ERC1: variants seen among roughly 807,000 people sequenced by gnomAD.
ERC1 encodes the protein ELKS/RAB6-interacting/CAST family member 1.
A neutral mutation model predicts 132.0 loss-of-function variants in ERC1; 56 were observed. The ratio of observed to expected loss-of-function variants is 0.42; its 90% CI spans 0.34 to 0.53. The LOEUF (loss-of-function observed/expected upper bound fraction) is 0.53, where lower values mean the gene tolerates loss of function less well. ERC1 is among the 20% of genes least tolerant of loss of function. The pLI is 0.03. For missense variants in ERC1, 1,202 were observed against 1,349.9 expected, an observed-to-expected ratio of 0.89 and a Z score of 1.72; for synonymous variants, 478 against 476.1, an observed-to-expected ratio of 1.00 and a Z score of -0.05.
chr12:1,096,005 G>A (rs1477546036), intron 3 of ERC1, among the ~76,000 whole-genome samples: 1 of 150,676 alleles, frequency 6.6e-6, no homozygotes, highest in Non-Finnish European at 1.5e-5. Context: ...GGCTCATTGC[G>A]GCCTCCACCT....
intron 17 of ERC1, among the ~76,000 whole-genome samples, chr12:1,418,793 G>A (rs1355867567): frequency 6.6e-6 from 1 of 150,388 alleles, no homozygotes; most frequent in Non-Finnish European, 1.5e-5. Context: ...GCTTACCGTA[G>A]CCTCGGACTC....
chr12:1,171,535 A>G (rs2154266125), intron 8 of ERC1, among the ~76,000 whole-genome samples: 1 of 152,250 alleles, frequency 6.6e-6, no homozygotes, highest in Middle Eastern at 3.4e-3. Context: ...TGACCAGTTC[A>G]TCCAGACTGT....
chr12:1,345,419 G>A (rs976837220), intron 15 of ERC1, among the ~76,000 whole-genome samples: 9 of 152,024 alleles, frequency 5.9e-5, no homozygotes, highest in Admixed American at 2.0e-4. Context: ...TCCTGATCTC[G>A]TGATCTGCCC....
intron 13 of ERC1, among the ~76,000 whole-genome samples, 171 bp from the exon 14 acceptor site, chr12:1,262,860 CCTT>C (rs1566421730): frequency 6.6e-6 from 1 of 152,184 alleles, no homozygotes; most frequent in East Asian, 1.9e-4. Context: ...TCTTCAGCCT[CCTT>C]CTTTCCTTTC....
intron 2 of ERC1, among the ~76,000 whole-genome samples, chr12:1,034,608 T>C (rs1968713602): frequency 6.6e-6 from 1 of 152,190 alleles, no homozygotes; most frequent in Non-Finnish European, 1.5e-5. Context: ...ATCACCATTA[T>C]ACCTGGAATT....
chr12:1,478,545 G>A (rs1216649675), intron 18 of ERC1, among the ~76,000 whole-genome samples: 2 of 152,176 alleles, frequency 1.3e-5, no homozygotes, highest in African/African-American at 4.8e-5. Flanking sequence ...TGTAATCCCA[G>A]CACTTTGGGA....
rs1269366427 is a variant in ERC1 at position 1,424,832 on chromosome 12, TAGATAGATAGATGATA to T, written c.3024+16586_3024+16601del. 6.2e-3 allele frequency among the ~76,000 whole-genome samples: 774 copies of T among 124,364 alleles called. 7 individuals are homozygous for T. Among genetic ancestry groups the T allele is most frequent in the South Asian group, 0.021 (83 of 3,870 alleles). 81.6% of individuals were successfully genotyped at this position (124,364 alleles called of 152,430 possible). A position where few individuals can be genotyped will look rare whatever the true frequency, so the allele number is the denominator to read the frequency against. On this transcript the variant is annotated intron_variant, in intron 17 of 18. Transcript: ENST00000360905. ...ATAGATAGATAGATAGATAGATAGA[TAGATAGATAGATGATA>T]GATAGATAGATAGATCGATAGATAG...
At chr12:1,464,817 G>C (rs930930044) in intron 18 of ERC1, among the ~76,000 whole-genome samples, 1 of 151,878 alleles carries the variant, frequency 6.6e-6, no homozygotes, top group Admixed American at 6.6e-5. Context: ...ACGGTGCATG[G>C]CCACAAAAGC....
intron 7 of ERC1, among the ~76,000 whole-genome samples, chr12:1,139,210 A>G (rs1199461572): frequency 6.6e-6 from 1 of 152,088 alleles, no homozygotes; most frequent in Non-Finnish European, 1.5e-5. Flanking sequence ...GTGTGATGAA[A>G]TCTTATGCCA....
At chr12:1,380,795 A>G (rs1256335765) in intron 16 of ERC1, 2 of 152,300 alleles carry the variant, frequency 1.3e-5, no homozygotes, top group Admixed American at 1.3e-4. Context: ...CCCATTCATC[A>G]TACTATTAAA....
intron 17 of ERC1, among the ~76,000 whole-genome samples, chr12:1,422,484 A>G (rs1295126411): frequency 6.6e-6 from 1 of 151,582 alleles, no homozygotes; most frequent in Non-Finnish European, 1.5e-5. Flanking sequence ...CACTTAACAT[A>G]TTGTCCTCCC....
At chr12:1,457,866 C>T (rs1468854283) in intron 18 of ERC1, among the ~76,000 whole-genome samples, 1 of 152,012 alleles carries the variant, frequency 6.6e-6, no homozygotes. Context: ...GCCCTCCAGC[C>T]TGAGCCACAG....
At chr12:1,204,545 T>G in intron 12 of ERC1, 1 of 1,577,474 alleles carries the variant, frequency 6.3e-7, no homozygotes, top group Non-Finnish European at 8.6e-7. Context: ...AAAGATGATG[T>G]GATTGAGCGT....
chr12:1,193,829 C>G (rs891802390), intron 12 of ERC1, among the ~76,000 whole-genome samples: 1 of 152,116 alleles, frequency 6.6e-6, no homozygotes, highest in Non-Finnish European at 1.5e-5. Context: ...TGATTAGAGG[C>G]TTTAATTATG....
intron 2 of ERC1, among the ~76,000 whole-genome samples, chr12:1,036,764 G>A (rs1969175971): frequency 6.6e-6 from 1 of 152,126 alleles, no homozygotes; most frequent in Non-Finnish European, 1.5e-5. Context: ...TTAGATTATT[G>A]TTTTAATTTT....
At chr12:1,227,794 T>A (rs969351370) in intron 12 of ERC1, among the ~76,000 whole-genome samples, 4 of 152,240 alleles carry the variant, frequency 2.6e-5, no homozygotes. Context: ...TTAGGTCTTA[T>A]GTTTAAGTCT....
intron 8 of ERC1, among the ~76,000 whole-genome samples, chr12:1,163,477 C>G (rs1050070939): frequency 1.3e-5 from 2 of 152,152 alleles, no homozygotes; most frequent in African/African-American, 2.4e-5. Flanking sequence ...CTAGCAAACT[C>G]TATTGCTGCA....
intron 18 of ERC1, among the ~76,000 whole-genome samples, chr12:1,488,956 TCTG>T (rs1165002278): frequency 1.3e-5 from 2 of 152,148 alleles, no homozygotes; most frequent in African/African-American, 4.8e-5. Flanking sequence ...GACTCTTCCT[TCTG>T]CTCAGTCTGA....
At chr12:1,077,361 T>G (rs1185880186) in intron 2 of ERC1, among the ~76,000 whole-genome samples, 1 of 152,216 alleles carries the variant, frequency 6.6e-6, no homozygotes, top group Admixed American at 6.5e-5. Context: ...CAGAAGAGCT[T>G]CTGATATTTA....
Sources: gnomAD v4.1 joint callset for allele counts (sites outside exome capture counted in the v4.1 genomes callset) on GRCh38, gnomAD v4.1.1 for gene constraint, MANE v1.5 for transcripts, NCBI Gene and HGNC (gene_info 2026-07-23, HGNC 2026-07-21) for gene names.